Variants in HS3ST3A1 observed in about 807,000 individuals in gnomAD.
HS3ST3A1 encodes heparan sulfate glucosamine 3-O-sulfotransferase 3A1.
In HS3ST3A1, 19 loss-of-function variants were observed where a neutral mutation model predicts 25.7. The observed-to-expected ratio is 0.74, with a 90% CI of 0.52 to 1.08. The LOEUF is 1.08. Ranked by LOEUF, HS3ST3A1 falls within the 50% of genes least tolerant of loss-of-function variation. HS3ST3A1 has a pLI of 0.00. For missense variants in HS3ST3A1, 459 were observed against 594.3 expected, an observed-to-expected ratio of 0.77 and a Z score of 2.37; for synonymous variants, 226 against 278.6, an observed-to-expected ratio of 0.81 and a Z score of 1.88.
intron 1 of HS3ST3A1, among the ~76,000 whole-genome samples, chr17:13,568,461 C>G (rs1907728273): frequency 6.6e-6 from 1 of 152,276 alleles, no homozygotes; most frequent in African/African-American, 2.4e-5. Context: ...GCAGTTTATC[C>G]TTCCTATTGA....
At chr17:13,529,653 T>C (rs1276787806) in intron 1 of HS3ST3A1, among the ~76,000 whole-genome samples, 1 of 152,226 alleles carries the variant, frequency 6.6e-6, no homozygotes. Context: ...TGAATTCATT[T>C]CCTATTCATA....
rs898525578 is a variant in HS3ST3A1 at position 13,583,215 on chromosome 17, C to T, written c.599+17316G>A. 1.1e-4 allele frequency among the ~76,000 whole-genome samples: 16 copies of T among 152,092 alleles called. 1 individual carries two copies. Among genetic ancestry groups the T allele is most frequent in the African/African-American group, 3.1e-4 (13 of 41,412 alleles). On this transcript the variant is annotated intron_variant, in intron 1 of 1. Transcript: ENST00000284110. ...GACCACTAAGAAAATTTGAAACTGC[C>T]GTTAAATCACATTCCCCTTCATGTT... is the stretch of plus-strand genomic sequence containing the variant.
At chr17:13,560,011 C>G (rs943501321) in intron 1 of HS3ST3A1, among the ~76,000 whole-genome samples, 38 of 151,274 alleles carry the variant, frequency 2.5e-4, no homozygotes, top group African/African-American at 8.5e-4. Context: ...GTGTATTGGC[C>G]GGGCGTGGTG....
chr17:13,523,720 T>C lies in HS3ST3A1; in HGVS notation c.600-26902A>G, dbSNP rs115714306. Among the ~76,000 whole-genome samples the C allele has an allele frequency of 4.8e-3, 737 of 152,366 alleles. 7 individuals are homozygous for C. The highest frequency in any genetic ancestry group is 0.017 in the African/African-American group (706 of 41,592). On this transcript the variant is annotated intron_variant, in intron 1 of 1. Transcript: ENST00000284110. ...TTCAATTGGTTGTTTTTGCCTGCTTTGTTTCCCACAGAGAGTTTTAGCAAC... is the reference window on the plus strand; with the variant it reads ...TTCAATTGGTTGTTTTTGCCTGCTTCGTTTCCCACAGAGAGTTTTAGCAAC...
At chr17:13,588,269 GA>G (rs796090330) in intron 1 of HS3ST3A1, among the ~76,000 whole-genome samples, 130 of 141,606 alleles carry the variant, frequency 9.2e-4, no homozygotes, top group African/African-American at 1.6e-3. Flanking sequence ...GCCCTTTCCA[GA>G]AAAAAAAAAA....
chr17:13,544,676 G>C (rs372348732), intron 1 of HS3ST3A1, among the ~76,000 whole-genome samples: 55 of 152,032 alleles, frequency 3.6e-4, no homozygotes, highest in Admixed American at 1.0e-3. Flanking sequence ...CCCGCACCCT[G>C]CTCCTTGGAA....
chr17:13,569,759 G>A (rs1207897779), intron 1 of HS3ST3A1, among the ~76,000 whole-genome samples: 1 of 152,196 alleles, frequency 6.6e-6, no homozygotes, highest in Non-Finnish European at 1.5e-5. Flanking sequence ...GAAAGGTAGT[G>A]AAACAAAAAG....
At chr17:13,548,489 A>G (rs2142353353) in intron 1 of HS3ST3A1, among the ~76,000 whole-genome samples, 1 of 152,318 alleles carries the variant, frequency 6.6e-6, no homozygotes, top group Admixed American at 6.5e-5. Flanking sequence ...TGTTTAGTCC[A>G]TTATATCCAC....
At chr17:13,522,520 T>C (rs906607523) in intron 1 of HS3ST3A1, among the ~76,000 whole-genome samples, 8 of 152,140 alleles carry the variant, frequency 5.3e-5, no homozygotes, top group African/African-American at 7.2e-5. Flanking sequence ...ATTCAGGAGA[T>C]TAGGGAGTCT....
At chr17:13,585,793 A>T (rs1033327666) in intron 1 of HS3ST3A1, among the ~76,000 whole-genome samples, 4 of 150,448 alleles carry the variant, frequency 2.7e-5, no homozygotes, top group African/African-American at 7.4e-5. Context: ...TACGTGTATG[A>T]AACAAAATTG....
At chr17:13,498,182 A>G (rs1160082254) in intron 1 of HS3ST3A1, among the ~76,000 whole-genome samples, 5 of 152,208 alleles carry the variant, frequency 3.3e-5, no homozygotes, top group Non-Finnish European at 7.3e-5. Flanking sequence ...ATGGATTAAT[A>G]AGTATTCCTG....
chr17:13,546,785 C>T (rs1907100651), intron 1 of HS3ST3A1, among the ~76,000 whole-genome samples: 1 of 152,182 alleles, frequency 6.6e-6, no homozygotes, highest in Non-Finnish European at 1.5e-5. Context: ...TTTCGTAGTA[C>T]AGTGCCAAGC....
intron 1 of HS3ST3A1, among the ~76,000 whole-genome samples, chr17:13,576,061 A>T (rs1907941665): frequency 6.6e-6 from 1 of 152,244 alleles, no homozygotes; most frequent in East Asian, 1.9e-4. Flanking sequence ...TTGAGTTTTA[A>T]TCAGCTCTCC....
chr17:13,527,441 G>C (rs1039309929), intron 1 of HS3ST3A1, among the ~76,000 whole-genome samples: 8 of 152,160 alleles, frequency 5.3e-5, no homozygotes, highest in African/African-American at 1.7e-4. Context: ...AGGGAGTTAA[G>C]TAATCAAGAG....
chr17:13,543,270 G>T (rs1414507708), intron 1 of HS3ST3A1, among the ~76,000 whole-genome samples: 1 of 152,148 alleles, frequency 6.6e-6, no homozygotes, highest in South Asian at 2.1e-4. Context: ...AGTCTTGTGA[G>T]ACTGAGCCCT....
At chr17:13,598,009 C>T (rs943541710) in intron 1 of HS3ST3A1, among the ~76,000 whole-genome samples, 2 of 152,184 alleles carry the variant, frequency 1.3e-5, no homozygotes, top group Admixed American at 6.5e-5. Flanking sequence ...AGGATTCTCC[C>T]GTGTCAATGT....
At chr17:13,530,789 A>G (rs1029001752) in intron 1 of HS3ST3A1, among the ~76,000 whole-genome samples, 4 of 152,134 alleles carry the variant, frequency 2.6e-5, no homozygotes, top group African/African-American at 7.2e-5. Flanking sequence ...AGTTTTCTGT[A>G]TGTGGCTTTT....
intron 1 of HS3ST3A1, among the ~76,000 whole-genome samples, chr17:13,573,930 G>T (rs180720462): frequency 6.6e-6 from 1 of 152,188 alleles, no homozygotes; most frequent in African/African-American, 2.4e-5. Flanking sequence ...CAGAAAGAGT[G>T]CCCTTACTGG....
chr17:13,580,131 C>A (rs376282957), intron 1 of HS3ST3A1, among the ~76,000 whole-genome samples: 3 of 151,920 alleles, frequency 2.0e-5, no homozygotes, highest in South Asian at 4.2e-4. Flanking sequence ...TGCCAACACA[C>A]GCATTCTTCA....
Sources: allele counts gnomAD v4.1 joint callset (sites outside exome capture counted in the v4.1 genomes callset), GRCh38; gene constraint gnomAD v4.1.1; transcripts MANE v1.5; gene names NCBI Gene and HGNC (gene_info 2026-07-23, HGNC 2026-07-21).